Variants in PPP1R12B observed in about 807,000 individuals in gnomAD.
PPP1R12B encodes the protein protein phosphatase 1 regulatory subunit 12B.
A neutral mutation model predicts 126.1 loss-of-function variants in PPP1R12B; 76 were observed. The observed-to-expected ratio is 0.60, with a 90% CI of 0.50 to 0.73. The LOEUF is 0.73. Ranked by LOEUF, PPP1R12B falls within the 30% of genes least tolerant of loss-of-function variation. The pLI, the probability that PPP1R12B is intolerant of heterozygous loss-of-function variation, is 0.00. For missense variants in PPP1R12B, 1,052 were observed against 1,205.1 expected (o/e 0.87, Z 1.88); for synonymous variants, 356 against 434.7 (o/e 0.82, Z 2.25).
intron 18 of PPP1R12B, among the ~76,000 whole-genome samples, chr1:202,548,660 G>A (rs1353938406): frequency 1.3e-5 from 2 of 151,748 alleles, no homozygotes; most frequent in East Asian, 3.9e-4. Context: ...AAATAGGTGT[G>A]GTGGTGCATG....
At chr1:202,498,455 A>G (rs1679830930) in intron 18 of PPP1R12B, among the ~76,000 whole-genome samples, 1 of 152,248 alleles carries the variant, frequency 6.6e-6, no homozygotes, top group Non-Finnish European at 1.5e-5. Flanking sequence ...AGCCTCGCTA[A>G]TAGTGCAGGA....
At chr1:202,449,638 T>C (rs1008670532) in intron 13 of PPP1R12B, among the ~76,000 whole-genome samples, 22 of 152,042 alleles carry the variant, frequency 1.4e-4, no homozygotes, top group Admixed American at 8.5e-4. Flanking sequence ...TTTTGGTGAC[T>C]CAATTATTTA....
At chr1:202,454,932 AAAG>A (rs1010270262) in intron 13 of PPP1R12B, among the ~76,000 whole-genome samples, 1 of 152,264 alleles carries the variant, frequency 6.6e-6, no homozygotes, top group Non-Finnish European at 1.5e-5. Flanking sequence ...TAAAAAAAAA[AAAG>A]ATTTCCCTTC....
chr1:202,562,515 A>C, intron 19 of PPP1R12B: 1 of 538,848 alleles, frequency 1.9e-6, no homozygotes, highest in Non-Finnish European at 3.5e-6. Context: ...GATTTAAGTC[A>C]GCTCATAGGT....
intron 23 of PPP1R12B, among the ~76,000 whole-genome samples, chr1:202,572,590 G>A (rs983946309): frequency 1.3e-5 from 2 of 152,126 alleles, no homozygotes; most frequent in African/African-American, 4.8e-5. Context: ...CTTCTGACAG[G>A]TGTGCATGTC....
rs879609617 is a variant in PPP1R12B, at chr1:202,588,813, A to G, written c.*8253A>G. On this transcript the variant is annotated 3_prime_UTR_variant, in exon 24 of 24. Coordinates refer to ENST00000608999, the MANE Select transcript of PPP1R12B (RefSeq NM_002481.4). ...CAAGGAGAAGCCTAGATTGGCGTTCAAAAGAACCGTAAGATAGATAGATAG... is the reference window on the plus strand; with the variant it reads ...CAAGGAGAAGCCTAGATTGGCGTTCGAAAGAACCGTAAGATAGATAGATAG... The G allele has an allele frequency of 3.4e-5, 5 of 147,540 alleles. No individual in the cohort carries two copies. The highest frequency in any genetic ancestry group is 6.9e-5 in the Admixed American group (1 of 14,500). 9.1% of individuals were successfully genotyped at this position (147,540 alleles called of 1,614,324 possible). A position where few individuals can be genotyped will look rare whatever the true frequency, so the allele number is the denominator to read the frequency against.
In PPP1R12B at chr1:202,588,853, A is replaced by AGATAGATAGAT. The variant is rs1158056600; in HGVS notation, c.*8294_*8304dup. On this transcript the variant is annotated 3_prime_UTR_variant, in exon 24 of 24. Coordinates refer to ENST00000608999, the MANE Select transcript of PPP1R12B (RefSeq NM_002481.4). Reference sequence around the variant, plus strand: ...TAGATAGATAGATAGATAGATAGATAGATAGATAGATAGATAGATATCAAG... The same window carrying AGATAGATAGAT: ...TAGATAGATAGATAGATAGATAGATAGATAGATAGATGATAGATAGATAGATAGATATCAAG... 1 of 142,710 alleles carries AGATAGATAGAT rather than the reference A, an allele frequency of 7.0e-6. No individual in the cohort carries two copies. Among genetic ancestry groups the AGATAGATAGAT allele is most frequent in the Admixed American group, 6.8e-5 (1 of 14,774 alleles). 8.8% of individuals were successfully genotyped at this position (142,710 alleles called of 1,614,324 possible).
At chr1:202,457,943 A>G (rs918811607) in intron 13 of PPP1R12B, among the ~76,000 whole-genome samples, 2 of 137,392 alleles carry the variant, frequency 1.5e-5, no homozygotes, top group Non-Finnish European at 3.4e-5. Context: ...TAGATGAAGG[A>G]AAAAAAAAAA....
intron 11 of PPP1R12B, among the ~76,000 whole-genome samples, chr1:202,441,919 T>C (rs531162397): frequency 6.2e-4 from 95 of 152,190 alleles, no homozygotes; most frequent in African/African-American, 2.0e-3. Flanking sequence ...TGCAGTGGCA[T>C]GATCTTGGCT....
chr1:202,535,849 G>A lies in PPP1R12B; in HGVS notation c.2491-23028G>A, dbSNP rs533772011. Among the ~76,000 whole-genome samples, 34 of 152,154 alleles carry A rather than the reference G, an allele frequency of 2.2e-4. 1 individual carries two copies. In the East Asian group the frequency reaches 6.4e-3, roughly 28 times the overall value. ...GGAACAATAAATGCTTGTTGGCTGG[G>A]TTGAAAAAAATTAAATCTACAAAAA... On this transcript the variant is annotated intron_variant, in intron 18 of 23. Transcript: ENST00000608999.
chr1:202,376,354 A>G (rs1466891532), intron 1 of PPP1R12B, among the ~76,000 whole-genome samples: 4 of 152,224 alleles, frequency 2.6e-5, no homozygotes, highest in African/African-American at 9.6e-5. Context: ...TGCTAAAAAT[A>G]TTACAGAATT....
intron 13 of PPP1R12B, among the ~76,000 whole-genome samples, chr1:202,460,703 A>G (rs1276802993): frequency 2.5e-4 from 38 of 152,238 alleles, no homozygotes; most frequent in Admixed American, 2.2e-3. Context: ...AGAGTGAAAC[A>G]TATGTAGCAG....
At chr1:202,431,977 G>A (rs1670244023) in intron 8 of PPP1R12B, among the ~76,000 whole-genome samples, 1 of 152,086 alleles carries the variant, frequency 6.6e-6, no homozygotes. Context: ...AAAAGAAAAG[G>A]TAATAATTCT....
At chr1:202,556,056 A>G (rs1686897966) in intron 18 of PPP1R12B, among the ~76,000 whole-genome samples, 1 of 151,940 alleles carries the variant, frequency 6.6e-6, no homozygotes, top group Non-Finnish European at 1.5e-5. Context: ...TTGTATTTTT[A>G]GTGGAGATGG....
chr1:202,412,902 G>A (rs566656793), intron 1 of PPP1R12B, among the ~76,000 whole-genome samples: 1 of 152,136 alleles, frequency 6.6e-6, no homozygotes, highest in Admixed American at 6.5e-5. Context: ...ATATGGGATT[G>A]CAAATGGGCA....
In PPP1R12B at chr1:202,569,177, G is replaced by A; in HGVS notation, c.2842G>A (p.Glu948Lys). The part of the protein sequence containing the change: ...ERRALERKMS[E>K]MEEEMKVLTE... Reference sequence around the variant, plus strand: ...GCGAGCCTTGGAGCGCAAAATGTCAGAAATGGAGGAAGAAATGAAGGTATG... The same window carrying A: ...GCGAGCCTTGGAGCGCAAAATGTCAAAAATGGAGGAAGAAATGAAGGTATG... Residue 948 changes from glutamate (E) to lysine (K), a missense_variant, in exon 23 of 24, where the codon GAA becomes AAA. Transcript: ENST00000608999. The A allele has an allele frequency of 6.2e-7, 1 of 1,613,476 alleles. No homozygotes were observed. Among genetic ancestry groups the A allele is most frequent in the Non-Finnish European group, 8.5e-7 (1 of 1,179,456 alleles).
At chr1:202,439,856 A>G (rs1671379410) in intron 10 of PPP1R12B, 2 of 336,356 alleles carry the variant, frequency 5.9e-6, no homozygotes, top group Admixed American at 7.9e-5. Context: ...TCTCCTCAAC[A>G]GGTTTGGGGA....
intron 1 of PPP1R12B, among the ~76,000 whole-genome samples, chr1:202,353,586 T>TG: frequency 1.7e-5 from 2 of 120,814 alleles, no homozygotes; most frequent in African/African-American, 6.3e-5. Flanking sequence ...TTCTTCTTCT[T>TG]TGTGTGTGTG....
At chr1:202,438,907 G>T in intron 10 of PPP1R12B, 1 of 1,502,866 alleles carries the variant, frequency 6.7e-7, no homozygotes, top group Non-Finnish European at 9.2e-7. Context: ...CACCGCACGC[G>T]GCCCTGTGCC....
Sources: allele counts gnomAD v4.1 joint callset (sites outside exome capture counted in the v4.1 genomes callset), GRCh38; gene constraint gnomAD v4.1.1; transcripts MANE v1.5; gene names NCBI Gene and HGNC (gene_info 2026-07-23, HGNC 2026-07-21).